Variants in PDE4D observed in about 807,000 individuals in gnomAD.
PDE4D encodes the protein phosphodiesterase 4D.
A neutral mutation model predicts 87.4 loss-of-function variants in PDE4D; 24 were observed. The observed-to-expected ratio is 0.27, with a 90% CI of 0.20 to 0.39. The LOEUF is 0.39. Ranked by LOEUF, PDE4D falls within the 10% of genes least tolerant of loss-of-function variation. The probability of loss-of-function intolerance (pLI) is 1.00; values close to 1 mark genes in which losing one functional copy is unlikely to be tolerated. For synonymous variants in PDE4D, 384 were observed against 383.2 expected, an observed-to-expected ratio of 1.00 and a Z score of -0.02; for missense variants, 714 against 1,041.0, an observed-to-expected ratio of 0.69 and a Z score of 4.32.
intron 1 of PDE4D, among the ~76,000 whole-genome samples, chr5:59,344,411 C>CT (rs1779292898): frequency 6.6e-6 from 1 of 152,028 alleles, no homozygotes; most frequent in Non-Finnish European, 1.5e-5. Context: ...CATACTTTTT[C>CT]TTTTTTTCAG....
chr5:59,976,566 G>C (rs939882320), intron 3 of PDE4D, among the ~76,000 whole-genome samples: 1 of 152,134 alleles, frequency 6.6e-6, no homozygotes, highest in African/African-American at 2.4e-5. Context: ...AGATGCTGGT[G>C]CCTTGCCCAG....
intron 5 of PDE4D, chr5:59,157,401 C>A: frequency 2.8e-6 from 2 of 701,778 alleles, no homozygotes; most frequent in South Asian, 1.5e-5. Flanking sequence ...GATCCGAAGA[C>A]ATTTTTCTAA....
chr5:60,117,947 T>C (rs1778316605), intron 2 of PDE4D, among the ~76,000 whole-genome samples: 1 of 152,086 alleles, frequency 6.6e-6, no homozygotes, highest in Non-Finnish European at 1.5e-5. Flanking sequence ...TGCTGAAATC[T>C]CTCACAAAGA....
At chr5:59,364,881 C>G (rs1181235837) in intron 1 of PDE4D, among the ~76,000 whole-genome samples, 1 of 151,934 alleles carries the variant, frequency 6.6e-6, no homozygotes, top group Admixed American at 6.6e-5. Context: ...TCCTTCCTTC[C>G]TTCCCTCCTT....
At chr5:60,043,723 A>G (rs1405920247) in intron 2 of PDE4D, among the ~76,000 whole-genome samples, 4 of 152,050 alleles carry the variant, frequency 2.6e-5, no homozygotes, top group African/African-American at 9.7e-5. Context: ...TTCCTTCTTG[A>G]AAGCTCTTCT....
chr5:59,440,904 G>C (rs1305092152), intron 1 of PDE4D, among the ~76,000 whole-genome samples: 1 of 152,190 alleles, frequency 6.6e-6, no homozygotes, highest in Non-Finnish European at 1.5e-5. Context: ...TCTGGCATGA[G>C]GAGCCCTGCT....
At chr5:59,661,098 T>TATATATATATATATATATG (rs1554055015) in intron 1 of PDE4D, among the ~76,000 whole-genome samples, 1 of 101,134 alleles carries the variant, frequency 9.9e-6, no homozygotes, top group Admixed American at 9.8e-5. Context: ...ATATATATAT[T>TATATATATATATATATATG]TTGTCATCTA....
At chr5:59,388,913 G>T (rs1440700368) in intron 1 of PDE4D, among the ~76,000 whole-genome samples, 1 of 151,990 alleles carries the variant, frequency 6.6e-6, no homozygotes, top group Non-Finnish European at 1.5e-5. Flanking sequence ...TTATAAAATT[G>T]TGTGAGCATG....
chr5:59,366,183 A>G (rs1027062034), intron 1 of PDE4D, among the ~76,000 whole-genome samples: 1 of 151,992 alleles, frequency 6.6e-6, no homozygotes, highest in African/African-American at 2.4e-5. Context: ...TTAGGTGAGC[A>G]ATTATTCAGG....
At chr5:59,511,526 A>G (rs1810277854) in intron 1 of PDE4D, among the ~76,000 whole-genome samples, 1 of 151,990 alleles carries the variant, frequency 6.6e-6, no homozygotes. Context: ...TAAATATTCT[A>G]CTTGTACTTG....
intron 1 of PDE4D, among the ~76,000 whole-genome samples, chr5:60,396,162 G>T (rs569724024): frequency 6.6e-6 from 1 of 152,148 alleles, no homozygotes. Context: ...TATCCACTGC[G>T]CATGTTCCCA....
chr5:59,138,834 T>G (rs2153454412), intron 5 of PDE4D, among the ~76,000 whole-genome samples: 1 of 152,312 alleles, frequency 6.6e-6, no homozygotes, highest in Admixed American at 6.5e-5. Flanking sequence ...TCTCAGGAGT[T>G]AAGGATACAT....
chr5:59,715,162 T>TG (rs1435812143), intron 1 of PDE4D, among the ~76,000 whole-genome samples: 5 of 152,112 alleles, frequency 3.3e-5, no homozygotes, highest in African/African-American at 1.2e-4. Flanking sequence ...AGGATGGATG[T>TG]GTTCATTGAT....
chr5:59,257,899 G>A (rs1181819379), intron 1 of PDE4D, among the ~76,000 whole-genome samples: 3 of 151,886 alleles, frequency 2.0e-5, no homozygotes. Context: ...AGGCCCCTGG[G>A]AAGACAGGCT....
intron 1 of PDE4D, among the ~76,000 whole-genome samples, chr5:59,842,092 T>A (rs1258008721): frequency 1.3e-5 from 2 of 151,924 alleles, no homozygotes; most frequent in African/African-American, 2.4e-5. Flanking sequence ...CATTTCAGAG[T>A]GATCACCCTG....
At chr5:59,644,855 G>T (rs1742186089) in intron 1 of PDE4D, among the ~76,000 whole-genome samples, 1 of 152,112 alleles carries the variant, frequency 6.6e-6, no homozygotes, top group Non-Finnish European at 1.5e-5. Context: ...AATGCCATTG[G>T]TTCTTTAAAA....
intron 1 of PDE4D, among the ~76,000 whole-genome samples, chr5:59,420,041 T>C (rs1052777807): frequency 6.6e-6 from 1 of 152,210 alleles, no homozygotes; most frequent in Non-Finnish European, 1.5e-5. Context: ...ATTGCTCTAT[T>C]GGAATTTTTA....
chr5:59,900,246 A>AG (rs142042877), intron 3 of PDE4D, among the ~76,000 whole-genome samples: 2 of 104,820 alleles, frequency 1.9e-5, no homozygotes, highest in Non-Finnish European at 4.1e-5. Flanking sequence ...TATCAAAAAA[A>AG]AATATATATA....
chr5:59,790,240 G>A (rs1408126819), intron 1 of PDE4D, among the ~76,000 whole-genome samples: 1 of 152,124 alleles, frequency 6.6e-6, no homozygotes, highest in Admixed American at 6.5e-5. Flanking sequence ...ATAATTACAT[G>A]AGTGTTTTTA....
Sources: gnomAD v4.1 joint callset for allele counts (sites outside exome capture counted in the v4.1 genomes callset) on GRCh38, gnomAD v4.1.1 for gene constraint, MANE v1.5 for transcripts, NCBI Gene and HGNC (gene_info 2026-07-23, HGNC 2026-07-21) for gene names.